The following PIK3C3 variants were observed in gnomAD, a reference collection of about 807,000 sequenced individuals.
PIK3C3 encodes the protein phosphatidylinositol 3-kinase catalytic subunit type 3.
PIK3C3 carries 95 observed loss-of-function variants against 126.1 expected under a neutral mutation model. The observed-to-expected ratio is 0.75, with a 90% CI of 0.64 to 0.89. The LOEUF (loss-of-function observed/expected upper bound fraction) is 0.89. Among genes scored for constraint, PIK3C3 ranks in the 40% least tolerant of loss-of-function variants. The pLI is 0.00. For missense variants in PIK3C3, 829 were observed against 1,063.2 expected (o/e 0.78, Z 3.06); for synonymous variants, 374 against 360.0 (o/e 1.04, Z -0.44).
intron 22 of PIK3C3, among the ~76,000 whole-genome samples, chr18:42,064,347 C>T (rs866164010): frequency 2.0e-5 from 3 of 152,072 alleles, no homozygotes; most frequent in Non-Finnish European, 2.9e-5. Context: ...CTGAGGTCAT[C>T]TTAAAGTAGC....
chr18:42,007,537 C>T (rs1982611119), intron 10 of PIK3C3, among the ~76,000 whole-genome samples: 1 of 152,070 alleles, frequency 6.6e-6, no homozygotes, highest in Admixed American at 6.5e-5. Flanking sequence ...TATTCACTCA[C>T]TTATCAATTT....
intron 3 of PIK3C3, among the ~76,000 whole-genome samples, chr18:41,964,980 T>TAC (rs764501270): frequency 1.4e-4 from 22 of 152,218 alleles, no homozygotes; most frequent in South Asian, 4.1e-4. Flanking sequence ...AGATGTAGTC[T>TAC]GAAACATTGT....
At position 42,049,100 on chromosome 18, in the gene PIK3C3, A is replaced by G. The variant is rs140578785; in HGVS notation, c.2189-431A>G. On this transcript the variant is annotated intron_variant, in intron 20 of 24. Coordinates refer to ENST00000262039, the MANE Select transcript of PIK3C3 (RefSeq NM_002647.4). ...CTCAAATGAATGCATTTGGTTTTCT[A>G]TCTGCTTCCATTTCAAGATTATTTT... Among the ~76,000 whole-genome samples, 494 of 152,266 alleles carry G rather than the reference A, an allele frequency of 3.2e-3. 4 individuals are homozygous for G. Among genetic ancestry groups the G allele is most frequent in the African/African-American group, 0.012 (478 of 41,536 alleles).
In PIK3C3 at chr18:42,076,089, C is replaced by CATATATATATATGCAT. The variant is rs1985963004; in HGVS notation, c.2650-5022_2650-5021insGCATATATATATATAT. Reference sequence around the variant, plus strand: ...CATCAGCACTGGCTGCTTTACCTTGCATATATATATATATATATATATATA... The same window carrying CATATATATATATGCAT: ...CATCAGCACTGGCTGCTTTACCTTGCATATATATATATGCATATATATATATATATATATATATATA... On this transcript the variant is annotated intron_variant, in intron 24 of 24. Coordinates refer to ENST00000262039, the MANE Select transcript of PIK3C3 (RefSeq NM_002647.4). Among the ~76,000 whole-genome samples the CATATATATATATGCAT allele has an allele frequency of 4.4e-3, 241 of 54,616 alleles. 2 individuals carry two copies. The highest frequency in any genetic ancestry group is 6.7e-3 in the Non-Finnish European group (203 of 30,168). 35.8% of individuals were successfully genotyped at this position (54,616 alleles called of 152,430 possible).
At chr18:42,036,440 C>G (rs2089173624) in intron 16 of PIK3C3, among the ~76,000 whole-genome samples, 3 of 151,550 alleles carry the variant, frequency 2.0e-5, no homozygotes, top group Non-Finnish European at 1.5e-5. Context: ...TTCTTTGACT[C>G]ATTTTTTTTT....
intron 21 of PIK3C3, among the ~76,000 whole-genome samples, chr18:42,054,144 A>ATC (rs59790618): frequency 0.021 from 371 of 17,902 alleles, 41 homozygotes; most frequent in African/African-American, 0.11. Context: ...ATATATATAT[A>ATC]TATATATATA....
intron 22 of PIK3C3, among the ~76,000 whole-genome samples, chr18:42,062,004 T>A (rs534050478): frequency 2.6e-5 from 4 of 152,180 alleles, no homozygotes; most frequent in African/African-American, 9.6e-5. Context: ...GACTCGCTCA[T>A]ATTTAATTGG....
intron 4 of PIK3C3, among the ~76,000 whole-genome samples, chr18:41,979,532 A>G (rs550496322): frequency 6.6e-6 from 1 of 152,346 alleles, no homozygotes; most frequent in Non-Finnish European, 1.5e-5. Flanking sequence ...GATGATTTAT[A>G]TGAATTTCTA....
chr18:42,020,644 C>A lies in PIK3C3; in HGVS notation c.1423C>A (p.Leu475Ile). The A allele has an allele frequency of 6.3e-7, 1 of 1,596,610 alleles. No homozygotes were observed. The highest frequency in any genetic ancestry group is 8.6e-7 in the Non-Finnish European group (1 of 1,165,932). The part of the protein sequence containing the change: ...VPDGENLEQD[L>I]CTFLISRACK... Reference sequence around the variant, plus strand: ...TTTCTTTTAATTCTTTCAGCAAGATCTCTGTACCTTCTTGATATCGAGAGC... The same window carrying A: ...TTTCTTTTAATTCTTTCAGCAAGATATCTGTACCTTCTTGATATCGAGAGC... Residue 475 changes from leucine (L) to isoleucine (I), a missense_variant, in exon 13 of 25, where the codon CTC becomes ATC. Coordinates refer to ENST00000262039, the MANE Select transcript of PIK3C3 (RefSeq NM_002647.4).
intron 6 of PIK3C3, among the ~76,000 whole-genome samples, chr18:41,991,133 TTATG>T (rs770309289): frequency 2.6e-5 from 4 of 152,182 alleles, no homozygotes; most frequent in Non-Finnish European, 4.4e-5. Context: ...TCTGTGTTTA[TTATG>T]TACCTACTTG....
chr18:41,995,071 G>A (rs370573497), intron 7 of PIK3C3, among the ~76,000 whole-genome samples: 1 of 152,134 alleles, frequency 6.6e-6, no homozygotes, highest in South Asian at 2.1e-4. Context: ...TTTACTGTCA[G>A]TGTAGGGAAA....
chr18:42,033,700 C>A (rs1379724418), intron 15 of PIK3C3, 126 bp from the exon 16 acceptor site: 2 of 606,332 alleles, frequency 3.3e-6, no homozygotes, highest in African/African-American at 3.9e-5. Context: ...ACACCATCTC[C>A]TTTATATTAT....
At position 41,957,741 on chromosome 18, in the gene PIK3C3, A is replaced by G; in HGVS notation, c.240A>G (p.Ala80=). The G allele has an allele frequency of 6.2e-7, 1 of 1,611,644 alleles. No homozygotes were observed. The highest frequency in any genetic ancestry group is 1.1e-5 in the South Asian group (1 of 90,892). Residue 80 remains alanine (A), a synonymous_variant, in exon 2 of 25, where the codon GCA becomes GCG. Coordinates refer to ENST00000262039, the MANE Select transcript of PIK3C3 (RefSeq NM_002647.4). ...TGCCAGTGAGAACATCCTACAAAGCATTTAGTACAAGATGGAAGTAAGTTT... is the reference window on the plus strand; with the variant it reads ...TGCCAGTGAGAACATCCTACAAAGCGTTTAGTACAAGATGGAAGTAAGTTT... The part of the protein sequence containing the change: ...LALPVRTSYK[A]FSTRWNWNEW...
chr18:42,010,421 A>G (rs986552206), intron 10 of PIK3C3, among the ~76,000 whole-genome samples: 3 of 152,150 alleles, frequency 2.0e-5, no homozygotes, highest in Non-Finnish European at 4.4e-5. Context: ...GCTGGAGTGC[A>G]GTGGCATGAT....
At chr18:42,076,218 A>C (rs1232815915) in intron 24 of PIK3C3, among the ~76,000 whole-genome samples, 1 of 147,138 alleles carries the variant, frequency 6.8e-6, no homozygotes, top group Admixed American at 6.8e-5. Flanking sequence ...GCACATATAT[A>C]TATGCATATA....
intron 4 of PIK3C3, chr18:41,971,218 T>A (rs1363834766): frequency 2.6e-5 from 4 of 152,202 alleles, no homozygotes; most frequent in Admixed American, 1.3e-4. Context: ...TTAGGACACT[T>A]TCTTGTAGTT....
At chr18:42,011,249 A>G (rs1052360273) in intron 10 of PIK3C3, among the ~76,000 whole-genome samples, 5 of 152,206 alleles carry the variant, frequency 3.3e-5, no homozygotes, top group African/African-American at 4.8e-5. Flanking sequence ...GAGTCAGTCT[A>G]TGGTTGTGAG....
intron 3 of PIK3C3, among the ~76,000 whole-genome samples, chr18:41,967,106 A>G (rs1980408973): frequency 6.6e-6 from 1 of 152,072 alleles, no homozygotes; most frequent in South Asian, 2.1e-4. Context: ...ATTGGAGAAA[A>G]GCCAGGCATT....
intron 24 of PIK3C3, among the ~76,000 whole-genome samples, chr18:42,071,347 T>C (rs1985764101): frequency 6.6e-6 from 1 of 152,212 alleles, no homozygotes; most frequent in Non-Finnish European, 1.5e-5. Context: ...CATTTTTAAT[T>C]AAATAACCAT....
Sources: gnomAD v4.1 joint callset for allele counts (sites outside exome capture counted in the v4.1 genomes callset) on GRCh38, gnomAD v4.1.1 for gene constraint, MANE v1.5 for transcripts, NCBI Gene and HGNC (gene_info 2026-07-23, HGNC 2026-07-21) for gene names.